Variants in ABCC9 observed in about 807,000 individuals in gnomAD.
ABCC9 encodes the protein ATP-binding cassette sub-family C member 9.
Under a neutral mutation model 188.3 loss-of-function variants are expected in ABCC9, and 95 were observed. The observed-to-expected ratio is 0.50, with a 90% CI of 0.43 to 0.60. ABCC9 has a LOEUF of 0.60. Ranked by LOEUF, ABCC9 falls within the 20% of genes least tolerant of loss-of-function variation. The probability of loss-of-function intolerance (pLI) is 0.00; values close to 1 mark genes in which losing one functional copy is unlikely to be tolerated. For synonymous variants in ABCC9, 659 were observed against 652.7 expected, an observed-to-expected ratio of 1.01 and a Z score of -0.15; for missense variants, 1,102 against 1,876.3, an observed-to-expected ratio of 0.59 and a Z score of 7.62.
chr12:21,904,180 A>AT (rs142797191), intron 12 of ABCC9, among the ~76,000 whole-genome samples: 152,346 of 152,346 alleles, frequency 1, 76,173 homozygotes, highest in Non-Finnish European at 1. Context: ...AAATGGTGAA[A>AT]GATTCTCTAT....
At chr12:21,850,286 A>G (rs894041867) in intron 24 of ABCC9, among the ~76,000 whole-genome samples, 3 of 152,016 alleles carry the variant, frequency 2.0e-5, no homozygotes, top group African/African-American at 7.2e-5. Flanking sequence ...TAACAAAGTA[A>G]ACCGAAATCT....
chr12:21,898,945 T>G (rs1947571103), intron 12 of ABCC9, among the ~76,000 whole-genome samples: 1 of 152,216 alleles, frequency 6.6e-6, no homozygotes, highest in African/African-American at 2.4e-5. Flanking sequence ...TTTTTTCTCC[T>G]CAGTTTTCAA....
At chr12:21,848,709 G>A (rs1200429751) in intron 24 of ABCC9, among the ~76,000 whole-genome samples, 1 of 152,090 alleles carries the variant, frequency 6.6e-6, no homozygotes, top group East Asian at 1.9e-4. Flanking sequence ...AAATCAGAAC[G>A]AGTTTCTTTA....
At chr12:21,852,572 G>A (rs530601921) in intron 22 of ABCC9, 67 bp from the exon 23 acceptor site, 14 of 1,568,614 alleles carry the variant, frequency 8.9e-6, no homozygotes, top group South Asian at 5.5e-5. Flanking sequence ...AATTCCTCTC[G>A]AAAATAGTAA....
chr12:21,918,763 A>T (rs1269406981), intron 5 of ABCC9, among the ~76,000 whole-genome samples: 1 of 151,974 alleles, frequency 6.6e-6, no homozygotes, highest in Non-Finnish European at 1.5e-5. Flanking sequence ...CTGATTGGAG[A>T]CCTTCCTCCA....
intron 17 of ABCC9, among the ~76,000 whole-genome samples, chr12:21,875,320 C>T (rs1288444903): frequency 3.3e-5 from 5 of 152,094 alleles, no homozygotes; most frequent in East Asian, 1.9e-4. Context: ...CAGTATTTCT[C>T]GCAAACAGAA....
intron 30 of ABCC9, among the ~76,000 whole-genome samples, chr12:21,835,627 CAT>C (rs945939809): frequency 6.6e-6 from 1 of 152,126 alleles, no homozygotes; most frequent in African/African-American, 2.4e-5. Flanking sequence ...ATTGGCAGAT[CAT>C]ATTTTCCACA....
chr12:21,844,989 C>T lies in ABCC9; in HGVS notation c.3097-74G>A, dbSNP rs576251609. 4 of 1,523,512 alleles carry T rather than the reference C, an allele frequency of 2.6e-6. No individual in the cohort carries two copies. In the South Asian group the frequency reaches 4.6e-5, roughly 18 times the overall value. The allele number at this position is 1,523,512 out of a possible 1,614,324, so 94.4% of individuals were successfully genotyped here. A position where few individuals can be genotyped will look rare whatever the true frequency, so the allele number is the denominator to read the frequency against. ...TCTTTCTTACTAGAAAACCAAATGTCAATGTCAGACAAGATTGTTTTCTTC... is the reference window on the plus strand; with the variant it reads ...TCTTTCTTACTAGAAAACCAAATGTTAATGTCAGACAAGATTGTTTTCTTC... On this transcript the variant is annotated intron_variant, in intron 26 of 39. Coordinates refer to ENST00000261200, the MANE Select transcript of ABCC9 (RefSeq NM_020297.4).
chr12:21,937,197 T>C (rs1446413026), intron 2 of ABCC9, among the ~76,000 whole-genome samples: 1 of 152,118 alleles, frequency 6.6e-6, no homozygotes, highest in Admixed American at 6.6e-5. Flanking sequence ...CAGAAACAAG[T>C]GTGCCTGCAG....
chr12:21,852,881 C>A (rs933228470), intron 22 of ABCC9, among the ~76,000 whole-genome samples: 8 of 152,162 alleles, frequency 5.3e-5, no homozygotes, highest in Admixed American at 1.3e-4. Context: ...AAGTAAATAA[C>A]ACTATTCAAA....
intron 32 of ABCC9, among the ~76,000 whole-genome samples, 183 bp from the exon 33 acceptor site, chr12:21,817,490 T>C (rs1162941661): frequency 2.0e-5 from 3 of 152,168 alleles, no homozygotes; most frequent in Non-Finnish European, 4.4e-5. Context: ...AAAGAAGGTG[T>C]CTGGTTCCTT....
intron 20 of ABCC9, among the ~76,000 whole-genome samples, chr12:21,862,597 A>G (rs1321917149): frequency 1.3e-5 from 2 of 151,936 alleles, no homozygotes; most frequent in African/African-American, 2.4e-5. Flanking sequence ...TTCTTTTCAC[A>G]ATTAAACTTC....
At chr12:21,810,282 C>G (rs556311822) in intron 36 of ABCC9, among the ~76,000 whole-genome samples, 75 of 152,098 alleles carry the variant, frequency 4.9e-4, no homozygotes, top group Non-Finnish European at 9.7e-4. Context: ...GCAAAATATT[C>G]CTGCAGGACT....
Position 21,862,940 on chromosome 12 carries a change from T to C in ABCC9, c.2339+13A>G, listed in dbSNP as rs189255166. 3.6e-5 allele frequency: 56 copies of C among 1,543,560 alleles called. No individual in the cohort carries two copies. The African/African-American group carries it at 6.4e-4, about 18-fold the overall frequency. On this transcript the variant is annotated intron_variant, in intron 20 of 39. Transcript: ENST00000261200. ...TGCCATTTTGGTTCTAAATTTTATATGCTCAAAATTACCTCTGTTTGTTAA... is the reference window on the plus strand; with the variant it reads ...TGCCATTTTGGTTCTAAATTTTATACGCTCAAAATTACCTCTGTTTGTTAA...
chr12:21,819,982 C>G (rs1942936843), intron 31 of ABCC9, among the ~76,000 whole-genome samples: 1 of 152,134 alleles, frequency 6.6e-6, no homozygotes, highest in Admixed American at 6.6e-5. Context: ...TTTGAATTAA[C>G]TACATGGATG....
intron 2 of ABCC9, among the ~76,000 whole-genome samples, chr12:21,940,209 T>G (rs147002859): frequency 4.8e-4 from 73 of 152,356 alleles, no homozygotes; most frequent in African/African-American, 1.7e-3. Flanking sequence ...TTTAAAATGC[T>G]GGAAACACCT....
chr12:21,806,224 T>C (rs1226279691), intron 38 of ABCC9, among the ~76,000 whole-genome samples, 164 bp from the exon 39 acceptor site: 1 of 152,182 alleles, frequency 6.6e-6, no homozygotes, highest in African/African-American at 2.4e-5. Context: ...AGGTTCATGC[T>C]GGATTCTGTA....
chr12:21,856,721 T>C (rs2137473127), intron 22 of ABCC9, among the ~76,000 whole-genome samples: 1 of 151,834 alleles, frequency 6.6e-6, no homozygotes, highest in South Asian at 2.1e-4. Flanking sequence ...TGAATTTTAG[T>C]AGATAGAAAG....
At chr12:21,901,509 C>A (rs1293596588) in intron 12 of ABCC9, among the ~76,000 whole-genome samples, 2 of 152,090 alleles carry the variant, frequency 1.3e-5, no homozygotes, top group Non-Finnish European at 2.9e-5. Flanking sequence ...CACACACTGG[C>A]AAATTGGATA....
Sources: gnomAD v4.1 joint callset for allele counts (sites outside exome capture counted in the v4.1 genomes callset) on GRCh38, gnomAD v4.1.1 for gene constraint, MANE v1.5 for transcripts, NCBI Gene and HGNC (gene_info 2026-07-23, HGNC 2026-07-21) for gene names.